PHACTR3: variants seen among roughly 807,000 people sequenced by gnomAD.
PHACTR3 encodes phosphatase and actin regulator 3.
A neutral mutation model predicts 66.8 loss-of-function variants in PHACTR3; 16 were observed. That is an observed-to-expected ratio of 0.24 (90% CI 0.16 to 0.36). PHACTR3 has a LOEUF of 0.36. Ranked by LOEUF, PHACTR3 falls within the 10% of genes least tolerant of loss-of-function variation. The pLI is 1.00. For missense variants in PHACTR3, 647 were observed against 719.9 expected, an observed-to-expected ratio of 0.90 and a Z score of 1.16; for synonymous variants, 323 against 292.1, an observed-to-expected ratio of 1.11 and a Z score of -1.08.
At chr20:59,778,787 C>G (rs1161123186) in intron 7 of PHACTR3, among the ~76,000 whole-genome samples, 1 of 152,204 alleles carries the variant, frequency 6.6e-6, no homozygotes, top group South Asian at 2.1e-4. Flanking sequence ...GAGCCCTCAT[C>G]CCTGGACTGT....
intron 1 of PHACTR3, among the ~76,000 whole-genome samples, chr20:59,695,460 G>A (rs146615630): frequency 3.9e-5 from 6 of 152,222 alleles, no homozygotes; most frequent in South Asian, 2.1e-4. Context: ...CTCTACAGTC[G>A]TGCTTCCTGT....
chr20:59,623,071 A>AC (rs1444972017), intron 1 of PHACTR3, among the ~76,000 whole-genome samples: 6 of 143,730 alleles, frequency 4.2e-5, no homozygotes, highest in Admixed American at 1.5e-4. Flanking sequence ...ACACTCCCCC[A>AC]CCCCTTGGAA....
At chr20:59,712,147 C>A (rs1568735607) in intron 1 of PHACTR3, among the ~76,000 whole-genome samples, 1 of 152,078 alleles carries the variant, frequency 6.6e-6, no homozygotes, top group South Asian at 2.1e-4. Flanking sequence ...TATCTTAACC[C>A]TGAATCAGTT....
At chr20:59,634,218 T>C (rs2034770075) in intron 1 of PHACTR3, among the ~76,000 whole-genome samples, 1 of 152,236 alleles carries the variant, frequency 6.6e-6, no homozygotes, top group African/African-American at 2.4e-5. Flanking sequence ...TTAATTCTCA[T>C]GAGGGACGAA....
At chr20:59,578,543 C>T (rs752311477) in intron 1 of PHACTR3, among the ~76,000 whole-genome samples, 3 of 152,162 alleles carry the variant, frequency 2.0e-5, no homozygotes, top group Non-Finnish European at 4.4e-5. Context: ...TTCAGTGCCT[C>T]GAAACGGGTT....
At chr20:59,819,686 G>A (rs977345978) in intron 8 of PHACTR3, among the ~76,000 whole-genome samples, 1 of 152,010 alleles carries the variant, frequency 6.6e-6, no homozygotes, top group African/African-American at 2.4e-5. Context: ...GTCAACTGAG[G>A]CACCTGGTTG....
At chr20:59,802,038 G>C (rs1050246951) in intron 7 of PHACTR3, among the ~76,000 whole-genome samples, 11 of 152,178 alleles carry the variant, frequency 7.2e-5, no homozygotes, top group African/African-American at 2.4e-4. Flanking sequence ...CTGGAGTCAG[G>C]CCTTGGTTTA....
chr20:59,602,994 G>A (rs530202942), upstream of PHACTR3, among the ~76,000 whole-genome samples: 59 of 152,332 alleles, frequency 3.9e-4, no homozygotes, highest in Admixed American at 2.4e-3. Context: ...GGAGACCACA[G>A]TAGCTCTCAC....
intron 7 of PHACTR3, among the ~76,000 whole-genome samples, chr20:59,799,768 A>G (rs932197589): frequency 6.6e-6 from 1 of 152,138 alleles, no homozygotes; most frequent in Non-Finnish European, 1.5e-5. Flanking sequence ...AATTTTTGCC[A>G]TTAATTAGGG....
At chr20:59,747,864 G>A (rs761453652) in intron 3 of PHACTR3, 29 bp downstream of exon 3, 2 of 1,608,678 alleles carry the variant, frequency 1.2e-6, no homozygotes, top group Non-Finnish European at 8.5e-7. Context: ...TGGCTTGGAA[G>A]GGCACGGTGC....
chr20:59,674,845 C>T (rs1490002541), intron 1 of PHACTR3, among the ~76,000 whole-genome samples: 1 of 70,192 alleles, frequency 1.4e-5, no homozygotes, highest in Non-Finnish European at 2.6e-5. Context: ...CTGCCTTCTC[C>T]TGCCTTCTCC....
At chr20:59,641,344 A>G (rs4395303) in intron 1 of PHACTR3, among the ~76,000 whole-genome samples, 109,729 of 151,858 alleles carry the variant, frequency 0.72, 39,774 homozygotes, top group East Asian at 0.91. Flanking sequence ...TGGAGTCTAA[A>G]AAGTCCCAGC....
intron 1 of PHACTR3, among the ~76,000 whole-genome samples, chr20:59,625,687 A>G (rs558187893): frequency 3.9e-5 from 6 of 151,962 alleles, no homozygotes; most frequent in East Asian, 1.9e-4. Flanking sequence ...TCTCACCCCA[A>G]TGTCAGAGTG....
chr20:59,662,545 G>A (rs909316900), intron 1 of PHACTR3, among the ~76,000 whole-genome samples: 24 of 152,186 alleles, frequency 1.6e-4, no homozygotes, highest in South Asian at 4.1e-4. Context: ...GAGACAGCAC[G>A]TCTCAGAGGC....
At chr20:59,643,396 T>C (rs975356623) in intron 1 of PHACTR3, among the ~76,000 whole-genome samples, 2 of 152,136 alleles carry the variant, frequency 1.3e-5, no homozygotes, top group African/African-American at 4.8e-5. Context: ...GGAAGTAGTG[T>C]TGGGGGAATT....
intron 5 of PHACTR3, among the ~76,000 whole-genome samples, chr20:59,768,261 A>G (rs978139844): frequency 2.6e-5 from 4 of 152,230 alleles, no homozygotes; most frequent in African/African-American, 9.6e-5. Flanking sequence ...TGATCAAGAG[A>G]TAATGACTTT....
intron 7 of PHACTR3, among the ~76,000 whole-genome samples, chr20:59,788,215 A>C (rs1247673654): frequency 6.6e-6 from 1 of 152,094 alleles, no homozygotes; most frequent in Non-Finnish European, 1.5e-5. Flanking sequence ...TTGGTTTTCC[A>C]TTCCTGAGTT....
intron 11 of PHACTR3, chr20:59,843,413 A>C (rs1209418385): frequency 1.3e-5 from 2 of 152,202 alleles, no homozygotes; most frequent in Non-Finnish European, 2.9e-5. Context: ...CAAAAAGAAC[A>C]AAGCTGGAGG....
intron 1 of PHACTR3, among the ~76,000 whole-genome samples, chr20:59,632,478 G>A (rs1034000939): frequency 6.6e-6 from 1 of 152,180 alleles, no homozygotes; most frequent in Non-Finnish European, 1.5e-5. Flanking sequence ...TCGGCTGTGG[G>A]CTTGGAGTGC....
Sources: allele counts gnomAD v4.1 joint callset (sites outside exome capture counted in the v4.1 genomes callset), GRCh38; gene constraint gnomAD v4.1.1; transcripts MANE v1.5; gene names NCBI Gene and HGNC (gene_info 2026-07-23, HGNC 2026-07-21).